ZNF256: variants seen among roughly 807,000 people sequenced by gnomAD.
The protein encoded by ZNF256 is bone marrow zinc finger 3.
In ZNF256, 4 loss-of-function variants were observed where a neutral mutation model predicts 7.9. That is an observed-to-expected ratio of 0.50 (90% confidence interval 0.25 to 1.15). The LOEUF (loss-of-function observed/expected upper bound fraction) is 1.15. Among genes scored for constraint, ZNF256 ranks in the 50% most tolerant of loss-of-function variants. ZNF256 has a pLI of 0.15. For synonymous variants in ZNF256, 260 were observed against 260.4 expected (o/e 1.00, Z 0.02); for missense variants, 666 against 755.9 (o/e 0.88, Z 1.39).
intron 1 of ZNF256, among the ~76,000 whole-genome samples, chr19:57,945,483 G>A (rs2072760522): frequency 6.6e-6 from 1 of 152,218 alleles, no homozygotes; most frequent in East Asian, 1.9e-4. Context: ...ATTTGGCTAA[G>A]AGAGCTTATT....
At chr19:57,946,453 C>T (rs1431777461) in intron 1 of ZNF256, among the ~76,000 whole-genome samples, 3 of 152,232 alleles carry the variant, frequency 2.0e-5, no homozygotes, top group East Asian at 1.9e-4. Context: ...TACCAAAAAC[C>T]CTGGAGTCTT....
chr19:57,940,841 A>C lies in ZNF256; in HGVS notation c.*83T>G. On this transcript the variant is annotated 3_prime_UTR_variant, in exon 3 of 3. Transcript: ENST00000282308. Reference sequence around the variant, plus strand: ...CTAAATATAAAACATGGTTATTGAAAATACGTATTTATTTATTTATGTCTG... The same window carrying C: ...CTAAATATAAAACATGGTTATTGAACATACGTATTTATTTATTTATGTCTG... 1 of 1,414,352 alleles carries C rather than the reference A, an allele frequency of 7.1e-7. No homozygotes were observed. Among genetic ancestry groups the C allele is most frequent in the South Asian group, 1.4e-5 (1 of 69,824 alleles). 87.6% of individuals were successfully genotyped at this position (1,414,352 alleles called of 1,614,324 possible). A position where few individuals can be genotyped will look rare whatever the true frequency, so the allele number is the denominator to read the frequency against.
rs1177553045 is a variant in ZNF256, at chr19:57,940,978, T to A, written c.1830A>T (p.Lys610Asn). 6.2e-7 allele frequency: 1 copy of A among 1,614,128 alleles called. No individual in the cohort carries two copies. The highest frequency in any genetic ancestry group is 8.5e-7 in the Non-Finnish European group (1 of 1,180,020). ...GGAGGTTGGAGTTGAAGGTAAAAAA[T>A]TTTCCACAGTCACTACACTCATAAG... ...ERPYECSDCG[K>N]FFTFNSNLLK... The change falls in exon 3 of 3, where the codon AAA becomes AAT. Residue 610 changes from lysine (K) to asparagine (N), a missense_variant. Transcript: ENST00000282308.
In ZNF256 at chr19:57,941,578, A is replaced by G. The variant is rs2072728409; in HGVS notation, c.1230T>C (p.Ser410=). Residue 410 remains serine, a synonymous_variant, in exon 3 of 3, where the codon AGT becomes AGC. Coordinates refer to ENST00000282308, the MANE Select transcript of ZNF256 (RefSeq NM_005773.3). ...LHIGEGPYEC[S]ECGKLFTYRS... ...TATAAGTAAACAATTTCCCACATTC[A>G]CTACACTCATAAGGCCCTTCTCCAA... 1 of 1,614,086 alleles carries G rather than the reference A, an allele frequency of 6.2e-7. No homozygotes were observed. The highest frequency in any genetic ancestry group is 8.5e-7 in the Non-Finnish European group (1 of 1,180,016).
At chr19:57,945,395 T>C (rs1279036107) in intron 1 of ZNF256, among the ~76,000 whole-genome samples, 1 of 152,126 alleles carries the variant, frequency 6.6e-6, no homozygotes, top group Non-Finnish European at 1.5e-5. Flanking sequence ...AAAAAATTGA[T>C]AGGGAACTGA....
chr19:57,941,450 T>C lies in ZNF256; in HGVS notation c.1358A>G (p.His453Arg), dbSNP rs149933503. The change falls in exon 3 of 3, where the codon CAT becomes CGT. Residue 453 changes from histidine to arginine, a missense_variant. Coordinates refer to ENST00000282308, the MANE Select transcript of ZNF256 (RefSeq NM_005773.3). ...LFSRKFDLIV[H>R]ERVHTGERPY... ...CCTTTCTCCTGTGTGAACTCTCTCA[T>C]GTACAATGAGGTCAAATTTCCTGCT... The C allele has an allele frequency of 4.8e-5, 77 of 1,614,056 alleles. No homozygotes were observed. Among genetic ancestry groups the C allele is most frequent in the Non-Finnish European group, 5.2e-5 (61 of 1,180,036 alleles).
intron 2 of ZNF256, 129 bp from the exon 3 acceptor site, chr19:57,942,776 G>C: frequency 1.9e-5 from 21 of 1,107,832 alleles, no homozygotes; most frequent in Non-Finnish European, 2.7e-5. Flanking sequence ...CAAGGTGTTG[G>C]GTTCAAGTTG....
In ZNF256 at chr19:57,941,131, G is replaced by A; in HGVS notation, c.1677C>T (p.His559=). Residue 559 remains histidine, a synonymous_variant, in exon 3 of 3, where the codon CAC becomes CAT. Transcript: ENST00000282308. ...CSECWKSFSN[H]SSLVKHRRVH... ...CTCTTCGGTGTTTAACGAGGCTAGAGTGGTTACTAAAGGATTTCCAACACT... is the reference window on the plus strand; with the variant it reads ...CTCTTCGGTGTTTAACGAGGCTAGAATGGTTACTAAAGGATTTCCAACACT... 6.2e-7 allele frequency: 1 copy of A among 1,614,096 alleles called. No homozygotes were observed. The highest frequency in any genetic ancestry group is 1.3e-5 in the African/African-American group (1 of 75,026).
chr19:57,942,402 G>A lies in ZNF256; in HGVS notation c.406C>T (p.His136Tyr). ...QLQFTAYLHQ[H>Y]QKQHVGQKHF... ...TTCTGTCCAACATGCTGCTTCTGGT[G>A]CTGATGAAGGTATGCAGTAAATTGT... The change falls in exon 3 of 3, where the codon CAC (histidine) becomes TAC (tyrosine). Residue 136 changes from histidine to tyrosine, a missense_variant. Transcript: ENST00000282308. The A allele has an allele frequency of 6.2e-7, 1 of 1,614,200 alleles. No individual in the cohort carries two copies. Among genetic ancestry groups the A allele is most frequent in the Non-Finnish European group, 8.5e-7 (1 of 1,180,050 alleles).
Position 57,947,544 on chromosome 19 carries a change from G to A in ZNF256, c.-70C>T. On this transcript the variant is annotated 5_prime_UTR_variant, in exon 1 of 3. Transcript: ENST00000282308. ...CGGGCCGGGCCTGGGTACCCTGGGCGCCGCCGAGCCTCAGCCACGCCTCTG... is the reference window on the plus strand; with the variant it reads ...CGGGCCGGGCCTGGGTACCCTGGGCACCGCCGAGCCTCAGCCACGCCTCTG... The A allele has an allele frequency of 2.4e-6, 3 of 1,235,750 alleles. No homozygotes were observed. Among genetic ancestry groups the A allele is most frequent in the South Asian group, 4.1e-5 (1 of 24,196 alleles). 76.5% of individuals were successfully genotyped at this position (1,235,750 alleles called of 1,614,324 possible). A position where few individuals can be genotyped will look rare whatever the true frequency, so the allele number is the denominator to read the frequency against.
Position 57,942,515 on chromosome 19 carries a change from A to G in ZNF256, c.293T>C (p.Val98Ala). The G allele has an allele frequency of 1.2e-6, 2 of 1,614,166 alleles. No individual in the cohort carries two copies. Among genetic ancestry groups the G allele is most frequent in the Non-Finnish European group, 1.7e-6 (2 of 1,180,036 alleles). The change falls in exon 3 of 3, where the codon GTC becomes GCC. Residue 98 changes from valine to alanine, a missense_variant. Coordinates refer to ENST00000282308, the MANE Select transcript of ZNF256 (RefSeq NM_005773.3). ...AACCAAGTGCAAAATCTGTCTCAAGACTGGGCCACATATCTCACAGGGGTT... is the reference window on the plus strand; with the variant it reads ...AACCAAGTGCAAAATCTGTCTCAAGGCTGGGCCACATATCTCACAGGGGTT... The part of the protein sequence containing the change: ...KTNPCEICGP[V>A]LRQILHLVEH...
At chr19:57,945,183 C>T (rs2072758468) in intron 1 of ZNF256, among the ~76,000 whole-genome samples, 2 of 152,042 alleles carry the variant, frequency 1.3e-5, no homozygotes, top group South Asian at 4.2e-4. Flanking sequence ...GCGTGAGCCA[C>T]CACGCCTGGC....
rs946050199 is a variant in ZNF256, at chr19:57,943,800, C to T, written c.160+134G>A. On this transcript the variant is annotated intron_variant, in intron 2 of 2. Transcript: ENST00000282308. ...AAAAGCAGGCAACATACAACCTTAG[C>T]CCTACCAACCGCAGCACCTGCCCAG... 8.4e-5 allele frequency: 98 copies of T among 1,166,890 alleles called. No individual in the cohort carries two copies. The Middle Eastern group carries it at 2.3e-3, about 28-fold the overall frequency. 72.3% of individuals were successfully genotyped at this position (1,166,890 alleles called of 1,614,324 possible). A position where few individuals can be genotyped will look rare whatever the true frequency, so the allele number is the denominator to read the frequency against.
chr19:57,941,922 G>A lies in ZNF256; in HGVS notation c.886C>T (p.Gln296Ter). ...RRIHTGVRPH[Q>*]CDECGKLFNR... is the part of the protein sequence containing the mutation. ...AATAATTTTCCACATTCATCACATT[G>A]ATGAGGTCTTACTCCAGTGTGAATT... is the stretch of plus-strand genomic sequence containing the variant. The change falls in exon 3 of 3, where the codon CAA becomes TAA. Residue 296 changes from glutamine to a stop codon, truncating the protein, a stop_gained. Coordinates refer to ENST00000282308, the MANE Select transcript of ZNF256 (RefSeq NM_005773.3). LOFTEE classifies it low-confidence loss of function (END_TRUNC). 1 of 1,614,122 alleles carries A rather than the reference G, an allele frequency of 6.2e-7. No homozygotes were observed. The highest frequency in any genetic ancestry group is 8.5e-7 in the Non-Finnish European group (1 of 1,180,030).
Position 57,947,387 on chromosome 19 carries a change from G to A in ZNF256, c.33+55C>T, listed in dbSNP as rs546862811. The A allele has an allele frequency of 4.6e-4, 575 of 1,243,348 alleles. 2 individuals are homozygous for A. In the African/African-American group the frequency reaches 8.1e-3, roughly 18 times the overall value. The allele number at this position is 1,243,348 out of a possible 1,614,324, so 77.0% of individuals were successfully genotyped here. A position where few individuals can be genotyped will look rare whatever the true frequency, so the allele number is the denominator to read the frequency against. On this transcript the variant is annotated intron_variant, in intron 1 of 2. Coordinates refer to ENST00000282308, the MANE Select transcript of ZNF256 (RefSeq NM_005773.3). ...AGGGCCGCGAGCAAGCGCCCTCGGG[G>A]GTGCTAGGACTAGCGTGGGGAGGGC...
chr19:57,947,061 G>A (rs988230390), intron 1 of ZNF256, among the ~76,000 whole-genome samples: 1 of 152,236 alleles, frequency 6.6e-6, no homozygotes, highest in African/African-American at 2.4e-5. Flanking sequence ...GAGAGACTGG[G>A]AAACCCTCCC....
rs764165867 is a variant in ZNF256, at chr19:57,942,091, G to GT, written c.716dup (p.Tyr239Ter). ...AAGATTTCCCACATTCACTGCACATGTAAGATCTTTCCCTAATGAGGTCTC... is the reference window on the plus strand; with the variant it reads ...AAGATTTCCCACATTCACTGCACATGTTAAGATCTTTCCCTAATGAGGTCTC... ...HQGDLIRERS[Y>*]MCSECGKSFS... The change falls in exon 3 of 3, where the codon TAC (tyrosine) becomes TAAC (stop). Residue 239 changes from tyrosine (Y) to a stop codon, truncating the protein, a stop_gained and frameshift_variant. Transcript: ENST00000282308. LOFTEE classifies it low-confidence loss of function (END_TRUNC). The GT allele has an allele frequency of 6.2e-7, 1 of 1,614,244 alleles. No individual in the cohort carries two copies. Among genetic ancestry groups the GT allele is most frequent in the South Asian group, 1.1e-5 (1 of 91,092 alleles).
intron 1 of ZNF256, among the ~76,000 whole-genome samples, chr19:57,944,913 A>ATTT (rs113198547): frequency 2.1e-5 from 3 of 145,644 alleles, no homozygotes; most frequent in African/African-American, 2.5e-5. Flanking sequence ...CAGTTTATTA[A>ATTT]TTTTTTTTTT....
In ZNF256 at chr19:57,941,995, T is replaced by C. The variant is rs754398704; in HGVS notation, c.813A>G (p.Glu271=). ...HTSEKPYTCG[E]CGKSYRQSSS... ...AGCTTTGCCTATAGGATTTCCCACA[T>C]TCTCCACATGTATAAGGCTTTTCTG... is the stretch of plus-strand genomic sequence containing the variant. Residue 271 remains glutamate (E), a synonymous_variant, in exon 3 of 3, where the codon GAA becomes GAG. Coordinates refer to ENST00000282308, the MANE Select transcript of ZNF256 (RefSeq NM_005773.3). 6.2e-7 allele frequency: 1 copy of C among 1,614,128 alleles called. No individual in the cohort carries two copies. Among genetic ancestry groups the C allele is most frequent in the Non-Finnish European group, 8.5e-7 (1 of 1,179,964 alleles).
Sources: allele counts gnomAD v4.1 joint callset (sites outside exome capture counted in the v4.1 genomes callset), GRCh38; gene constraint gnomAD v4.1.1; transcripts MANE v1.5; gene names NCBI Gene and HGNC (gene_info 2026-07-23, HGNC 2026-07-21).